G6PD: variants seen among roughly 807,000 people sequenced by gnomAD.
G6PD encodes glucose-6-phosphate dehydrogenase.
In G6PD, 2 loss-of-function variants were observed where a neutral mutation model predicts 38.2. The observed-to-expected ratio is 0.05, with a 90% CI of 0.02 to 0.16. The LOEUF (loss-of-function observed/expected upper bound fraction) is 0.16. G6PD is among the 10% of genes least tolerant of loss of function. G6PD has a pLI of 1.00. For synonymous variants in G6PD, 188 were observed against 196.0 expected (o/e 0.96, Z 0.34); for missense variants, 310 against 471.6 (o/e 0.66, Z 3.17).
At chrX:154,542,439 T>C in intron 2 of G6PD, 1 of 1,184,974 alleles carries the variant, frequency 8.4e-7, no homozygotes, top group Non-Finnish European at 1.1e-6. Flanking sequence ...GCCAGAGCTT[T>C]CTGGAAGGGG....
intron 2 of G6PD, among the ~76,000 whole-genome samples, chrX:154,539,516 G>A (rs1557231380): frequency 9.0e-6 from 1 of 111,076 alleles, no homozygotes; most frequent in African/African-American, 3.3e-5. Context: ...AAAAGACGGC[G>A]AGAAAACCAA....
upstream of G6PD, chrX:154,547,481 G>C: frequency 1.3e-6 from 1 of 755,182 alleles, no homozygotes; most frequent in Non-Finnish European, 1.6e-6. Flanking sequence ...GCTTCCGCGG[G>C]CCTGCAGAGC....
intron 2 of G6PD, 26 bp from the exon 3 acceptor site, chrX:154,536,204 G>A (rs2070406962): frequency 8.3e-7 from 1 of 1,205,049 alleles, no homozygotes; most frequent in South Asian, 1.8e-5. Flanking sequence ...CAGGTGTGTG[G>A]TTAGAAGTGG....
In G6PD at chrX:154,532,988, G is replaced by C. The variant is rs75090888; in HGVS notation, c.1005C>G (p.Ala335=). Residue 335 remains alanine (A), a synonymous_variant, in exon 9 of 13, where the codon GCC becomes GCG. Transcript: ENST00000393562. ...DPTVPRGSTT[A]TFAAVVLYVE... Reference sequence around the variant, plus strand: ...CATAGAGGACGACGGCTGCAAAAGTGGCGGTGGTGGACCCGCGGGGCACCG... The same window carrying C: ...CATAGAGGACGACGGCTGCAAAAGTCGCGGTGGTGGACCCGCGGGGCACCG... 1 of 1,212,154 alleles carries C rather than the reference G, an allele frequency of 8.2e-7. No individual in the cohort carries two copies. The highest frequency in any genetic ancestry group is 1.1e-6 in the Non-Finnish European group (1 of 895,547).
At chrX:154,536,330 C>T (rs782388303) in intron 2 of G6PD, 152 bp from the exon 3 acceptor site, 2 of 525,739 alleles carry the variant, frequency 3.8e-6, no homozygotes, top group Non-Finnish European at 3.2e-6. Flanking sequence ...AGAAGAGCCC[C>T]GAGATTCAAG....
chrX:154,546,390 C>T (rs1569556415), intron 1 of G6PD, among the ~76,000 whole-genome samples: 1 of 112,199 alleles, frequency 8.9e-6, no homozygotes, highest in Admixed American at 9.4e-5. Context: ...GTGTACATTA[C>T]AAAATTACTC....
chrX:154,540,005 G>A (rs1247614736), intron 2 of G6PD, among the ~76,000 whole-genome samples: 1 of 110,357 alleles, frequency 9.1e-6, no homozygotes, highest in African/African-American at 3.3e-5. Flanking sequence ...ACAGGCGTGA[G>A]CCACCGTGGC....
At chrX:154,544,337 T>A (rs1228955272) in intron 2 of G6PD, among the ~76,000 whole-genome samples, 1 of 110,198 alleles carries the variant, frequency 9.1e-6, no homozygotes, top group Non-Finnish European at 1.9e-5. Context: ...AATTTTTGTA[T>A]TTTTAGTAGA....
At chrX:154,546,192 C>A in intron 1 of G6PD, 29 bp from the exon 2 acceptor site, 1 of 1,209,378 alleles carries the variant, frequency 8.3e-7, no homozygotes, top group African/African-American at 1.7e-5. Context: ...GTTAACAAGG[C>A]AGAAGAACAG....
intron 1 of G6PD, among the ~76,000 whole-genome samples, chrX:154,546,445 G>A (rs2070718353): frequency 8.9e-6 from 1 of 112,105 alleles, no homozygotes; most frequent in Admixed American, 9.4e-5. Context: ...CTGGACAACC[G>A]AGTAAAATCC....
At chrX:154,543,859 A>C (rs1557232541) in intron 2 of G6PD, among the ~76,000 whole-genome samples, 1 of 104,577 alleles carries the variant, frequency 9.6e-6, no homozygotes, top group African/African-American at 3.5e-5. Context: ...ACACCTAACT[A>C]ATTTTTGTTA....
In G6PD at chrX:154,531,685, A is replaced by C; in HGVS notation, c.*315T>G. On this transcript the variant is annotated 3_prime_UTR_variant, in exon 13 of 13. Transcript: ENST00000393562. The stretch of plus-strand genomic sequence containing the variant: ...CTGGCCCCACTCAGGAGTGAGACCC[A>C]GTGGCCAATAAGCTCTGGGACAGAC... 2.1e-5 allele frequency: 5 copies of C among 238,975 alleles called. No homozygotes were observed. Among genetic ancestry groups the C allele is most frequent in the Admixed American group, 5.8e-5 (1 of 17,270 alleles). 19.7% of individuals were successfully genotyped at this position (238,975 alleles called of 1,213,427 possible).
rs1394708501 is a variant in G6PD at position 154,535,047 on chromosome X, G to C, written c.485+121C>G. Reference sequence around the variant, plus strand: ...CGCTGCCACCTTGTGGTCCCGCTGGGGATGGCCCCGGCACCATGGATGCTG... The same window carrying C: ...CGCTGCCACCTTGTGGTCCCGCTGGCGATGGCCCCGGCACCATGGATGCTG... On this transcript the variant is annotated intron_variant, in intron 5 of 12. Coordinates refer to ENST00000393562, the MANE Select transcript of G6PD (RefSeq NM_001360016.2). The C allele has an allele frequency of 7.1e-6, 5 of 709,084 alleles. No homozygotes were observed. In the East Asian group the frequency reaches 1.6e-4, roughly 23 times the overall value. 58.4% of individuals were successfully genotyped at this position (709,084 alleles called of 1,213,427 possible). A position where few individuals can be genotyped will look rare whatever the true frequency, so the allele number is the denominator to read the frequency against.
intron 2 of G6PD, chrX:154,542,450 G>T (rs920612647): frequency 1.4e-5 from 17 of 1,176,511 alleles, no homozygotes; most frequent in Middle Eastern, 2.3e-4. Flanking sequence ...CTGGAAGGGG[G>T]CAGTAAGTAC....
intron 2 of G6PD, 33 bp from the exon 3 acceptor site, chrX:154,536,211 G>T (rs189523133): frequency 1.7e-6 from 2 of 1,196,754 alleles, no homozygotes; most frequent in African/African-American, 3.5e-5. Context: ...GTGGTTAGAA[G>T]TGGCTGGGGA....
At chrX:154,544,585 G>A (rs1157187688) in intron 2 of G6PD, among the ~76,000 whole-genome samples, 2 of 112,574 alleles carry the variant, frequency 1.8e-5, no homozygotes, top group Admixed American at 9.4e-5. Flanking sequence ...GTGAGCCACC[G>A]TGCCCGGCCA....
At chrX:154,544,288 A>G (rs782285808) in intron 2 of G6PD, among the ~76,000 whole-genome samples, 49 of 110,542 alleles carry the variant, frequency 4.4e-4, no homozygotes, top group African/African-American at 1.3e-3. Context: ...CAGCCTACTG[A>G]GTAGCTGGGA....
chrX:154,537,400 C>T (rs1557231022), intron 2 of G6PD, among the ~76,000 whole-genome samples: 1 of 112,004 alleles, frequency 8.9e-6, no homozygotes, highest in Admixed American at 9.5e-5. Context: ...GATGGATTAC[C>T]TGAGTTCGGG....
At chrX:154,540,394 C>T (rs1557231582) in intron 2 of G6PD, among the ~76,000 whole-genome samples, 1 of 110,183 alleles carries the variant, frequency 9.1e-6, no homozygotes, top group Non-Finnish European at 1.9e-5. Context: ...GCTTGAACCT[C>T]GCAGGTGGAG....
Sources: allele counts gnomAD v4.1 joint callset (sites outside exome capture counted in the v4.1 genomes callset), GRCh38; gene constraint gnomAD v4.1.1; transcripts MANE v1.5; gene names NCBI Gene and HGNC (gene_info 2026-07-23, HGNC 2026-07-21).